Variants in SYT1 observed in about 807,000 individuals in gnomAD.
SYT1 encodes the protein synaptotagmin 1, also known as synaptotagmin-1.
SYT1 carries 8 observed loss-of-function variants against 44.8 expected under a neutral mutation model. The observed-to-expected ratio is 0.18, with a 90% confidence interval of 0.10 to 0.32. The LOEUF (loss-of-function observed/expected upper bound fraction) is 0.32. Ranked by LOEUF, SYT1 falls within the 10% of genes least tolerant of loss-of-function variation. SYT1 has a pLI of 1.00. For synonymous variants in SYT1, 154 were observed against 188.8 expected (o/e 0.82, Z 1.51); for missense variants, 286 against 509.3 (o/e 0.56, Z 4.22).
At chr12:78,941,973 GTC>G (rs1368702921) in intron 1 of SYT1, among the ~76,000 whole-genome samples, 15 of 152,138 alleles carry the variant, frequency 9.9e-5, no homozygotes, top group Admixed American at 9.8e-4. Context: ...TCCCAGCACT[GTC>G]TTCTAATCAT....
intron 1 of SYT1, among the ~76,000 whole-genome samples, chr12:78,921,270 C>T (rs937475058): frequency 6.6e-6 from 1 of 151,894 alleles, no homozygotes; most frequent in Non-Finnish European, 1.5e-5. Context: ...ACTTCTTCCT[C>T]ACTTTACGAC....
At position 79,449,660 on chromosome 12, in the gene SYT1, A is replaced by ATCAT. The variant is rs1200408792; in HGVS notation, c.*538_*541dup. 1 of 152,742 alleles carries ATCAT rather than the reference A, an allele frequency of 6.5e-6. No homozygotes were observed. The highest frequency in any genetic ancestry group is 1.5e-5 in the Non-Finnish European group (1 of 68,312). 9.5% of individuals were successfully genotyped at this position (152,742 alleles called of 1,614,324 possible). A position where few individuals can be genotyped will look rare whatever the true frequency, so the allele number is the denominator to read the frequency against. On this transcript the variant is annotated 3_prime_UTR_variant, in exon 11 of 11. Coordinates refer to ENST00000261205, the MANE Select transcript of SYT1 (RefSeq NM_005639.3). Reference sequence around the variant, plus strand: ...AACTTAAACCTGAGCTTTCTATTGAATCATTTGAGTACCAAGATAAACTTA... The same window carrying ATCAT: ...AACTTAAACCTGAGCTTTCTATTGAATCATTCATTTGAGTACCAAGATAAACTTA...
intron 8 of SYT1, among the ~76,000 whole-genome samples, chr12:79,352,526 G>A (rs1219904070): frequency 1.3e-5 from 2 of 152,084 alleles, no homozygotes; most frequent in Non-Finnish European, 2.9e-5. Context: ...AGAGCCTCCA[G>A]TATCTGAGGG....
In SYT1 at chr12:79,308,563, GGA is replaced by G. The variant is rs1464391495; in HGVS notation, c.810+9013_810+9014del. On this transcript the variant is annotated intron_variant, in intron 8 of 10. Coordinates refer to ENST00000261205, the MANE Select transcript of SYT1 (RefSeq NM_005639.3). ...AAGAAAGAAAGAAAAAAGAAAGAAA[GGA>G]AAAGAAAGAAAAGAAGGAAAAGAAA... Among the ~76,000 whole-genome samples, 582 of 132,560 alleles carry G rather than the reference GGA, an allele frequency of 4.4e-3. 5 individuals are homozygous for G. Among genetic ancestry groups the G allele is most frequent in the African/African-American group, 0.016 (559 of 34,474 alleles). 87.0% of individuals were successfully genotyped at this position (132,560 alleles called of 152,430 possible).
intron 4 of SYT1, among the ~76,000 whole-genome samples, chr12:79,279,612 T>C (rs1878931277): frequency 6.6e-6 from 1 of 152,038 alleles, no homozygotes; most frequent in Admixed American, 6.6e-5. Flanking sequence ...GGGCTCCCAG[T>C]TTTACCACTT....
intron 1 of SYT1, among the ~76,000 whole-genome samples, chr12:78,935,269 GCTGTGA>G (rs1375744291): frequency 6.6e-6 from 1 of 152,256 alleles, no homozygotes; most frequent in Non-Finnish European, 1.5e-5. Flanking sequence ...CAGACACTCT[GCTGTGA>G]AGGTTCTGAG....
Position 79,432,557 on chromosome 12 carries a change from T to G in SYT1, c.929-11516T>G, listed in dbSNP as rs576215172. Among the ~76,000 whole-genome samples, 11 of 152,252 alleles carry G rather than the reference T, an allele frequency of 7.2e-5. No individual in the cohort carries two copies. The South Asian group carries it at 2.3e-3, about 32-fold the overall frequency. On this transcript the variant is annotated intron_variant, in intron 9 of 10. Transcript: ENST00000261205. ...TTCCAAGTCCATAGGCTCAACAAAG[T>G]CACTTAAGGTTAGGAAGGGGGTAGC...
chr12:79,412,720 G>A (rs1868506841), intron 9 of SYT1, among the ~76,000 whole-genome samples: 1 of 152,144 alleles, frequency 6.6e-6, no homozygotes, highest in South Asian at 2.1e-4. Flanking sequence ...ACTTTTAGAA[G>A]ATAGTTTTTC....
intron 3 of SYT1, among the ~76,000 whole-genome samples, chr12:79,049,521 T>G (rs544364229): frequency 6.6e-6 from 1 of 152,090 alleles, no homozygotes; most frequent in East Asian, 1.9e-4. Flanking sequence ...TTTAAAAATT[T>G]TATCAGATAT....
chr12:79,069,972 A>G (rs1441495108), intron 3 of SYT1, among the ~76,000 whole-genome samples: 1 of 152,160 alleles, frequency 6.6e-6, no homozygotes, highest in East Asian at 1.9e-4. Context: ...ATAACCTTGA[A>G]CATAATGCTT....
chr12:79,273,340 A>T (rs1343847891), intron 4 of SYT1, among the ~76,000 whole-genome samples: 2 of 151,658 alleles, frequency 1.3e-5, no homozygotes. Context: ...GAACTCCTGG[A>T]CTCAGGTGAT....
chr12:78,960,393 G>C (rs1879438294), intron 1 of SYT1: 1 of 152,064 alleles, frequency 6.6e-6, no homozygotes, highest in South Asian at 2.1e-4. Context: ...TTTATAATTT[G>C]GAAAATAGAA....
intron 9 of SYT1, among the ~76,000 whole-genome samples, chr12:79,442,593 C>CCTAAATAAGTTCCACTTATTCAA (rs1870490155): frequency 6.6e-6 from 1 of 152,022 alleles, no homozygotes; most frequent in African/African-American, 2.4e-5. Flanking sequence ...AGGCTGAGGC[C>CCTAAATAAGTTCCACTTATTCAA]CTAAATAAGT....
chr12:79,049,829 A>G (rs1202130621), intron 3 of SYT1, among the ~76,000 whole-genome samples: 1 of 151,992 alleles, frequency 6.6e-6, no homozygotes, highest in African/African-American at 2.4e-5. Context: ...TAGCTTAAGA[A>G]CAAGTTGATA....
chr12:79,079,609 G>C (rs552224343), intron 3 of SYT1, among the ~76,000 whole-genome samples: 1 of 152,110 alleles, frequency 6.6e-6, no homozygotes, highest in East Asian at 1.9e-4. Context: ...GACATTTTCA[G>C]ATATTTGAAT....
In SYT1 at chr12:79,450,382, TAA is replaced by T. The variant is rs1283549950; in HGVS notation, c.*1259_*1260del. 3 of 152,616 alleles carry T rather than the reference TAA, an allele frequency of 2.0e-5. No homozygotes were observed. Among genetic ancestry groups the T allele is most frequent in the Non-Finnish European group, 2.9e-5 (2 of 68,032 alleles). The allele number at this position is 152,616 out of a possible 1,614,324, so 9.5% of individuals were successfully genotyped here. On this transcript the variant is annotated 3_prime_UTR_variant, in exon 11 of 11. Transcript: ENST00000261205. ...GATCTTTTTATATGCTCTTTTTACT[TAA>T]GTTTTAATTTGTCCTTTAAAAAAAG...
At chr12:79,304,595 T>A (rs183492897) in intron 8 of SYT1, among the ~76,000 whole-genome samples, 3 of 152,322 alleles carry the variant, frequency 2.0e-5, no homozygotes, top group Admixed American at 2.0e-4. Context: ...GTTTCCATAA[T>A]GCACATGGAG....
chr12:79,036,429 A>G (rs1332010963), intron 2 of SYT1: 1 of 151,848 alleles, frequency 6.6e-6, no homozygotes, highest in African/African-American at 2.4e-5. Flanking sequence ...TTCCTCTACA[A>G]TGAGTAGTCT....
At chr12:79,030,358 A>G (rs1872756969) in intron 2 of SYT1, among the ~76,000 whole-genome samples, 1 of 150,750 alleles carries the variant, frequency 6.6e-6, no homozygotes, top group Non-Finnish European at 1.5e-5. Flanking sequence ...CTGCCACACT[A>G]ACCTACTCTC....
Sources: allele counts gnomAD v4.1 joint callset (sites outside exome capture counted in the v4.1 genomes callset), GRCh38; gene constraint gnomAD v4.1.1; transcripts MANE v1.5; gene names NCBI Gene and HGNC (gene_info 2026-07-23, HGNC 2026-07-21).